COL5A1: variants seen among roughly 807,000 people sequenced by gnomAD.
COL5A1 encodes the protein collagen alpha-1(V) chain.
A neutral mutation model predicts 263.7 loss-of-function variants in COL5A1; 16 were observed. The observed-to-expected ratio is 0.06, with a 90% CI of 0.04 to 0.09. The LOEUF is 0.09. Ranked by LOEUF, COL5A1 falls within the 10% of genes least tolerant of loss-of-function variation. The probability of loss-of-function intolerance (pLI) is 1.00; values close to 1 mark genes in which losing one functional copy is unlikely to be tolerated. For synonymous variants in COL5A1, 1,012 were observed against 1,004.5 expected (o/e 1.01, Z -0.14); for missense variants, 2,036 against 2,540.5 (o/e 0.80, Z 4.27).
Position 134,652,111 on chromosome 9 carries a change from G to A in COL5A1, c.109+9815G>A, listed in dbSNP as rs183033699. On this transcript the variant is annotated intron_variant, in intron 1 of 65. Transcript: ENST00000371817. The surrounding 1 kb of genome is among the most constrained non-coding windows in gnomAD (Gnocchi z 4.4). Reference sequence around the variant, plus strand: ...CCGCGGTCGAGGTGGGGTGAAGGGCGTTCTCGAGGGAAGGGTAGGGAACGA... The same window carrying A: ...CCGCGGTCGAGGTGGGGTGAAGGGCATTCTCGAGGGAAGGGTAGGGAACGA... 3.9e-5 allele frequency among the ~76,000 whole-genome samples: 6 copies of A among 152,292 alleles called. No individual in the cohort carries two copies. In the East Asian group the frequency reaches 5.8e-4, roughly 15 times the overall value.
chr9:134,753,385 A>G (rs1406308972), intron 14 of COL5A1, among the ~76,000 whole-genome samples: 2 of 152,022 alleles, frequency 1.3e-5, no homozygotes, highest in African/African-American at 4.8e-5. Flanking sequence ...GGAGTTCAAC[A>G]CCACAGGGGC....
chr9:134,834,865 C>G, intron 64 of COL5A1, 106 bp from the exon 65 acceptor site: 1 of 826,714 alleles, frequency 1.2e-6, no homozygotes, highest in Non-Finnish European at 2.0e-6. Flanking sequence ...AGGTAGTTCC[C>G]CCGAGAAGAC....
At chr9:134,761,302 C>T (rs985019251) in intron 18 of COL5A1, among the ~76,000 whole-genome samples, 31 of 152,028 alleles carry the variant, frequency 2.0e-4, no homozygotes, top group Non-Finnish European at 4.0e-4. Context: ...AACACACAGG[C>T]GCACCCACAC....
intron 1 of COL5A1, among the ~76,000 whole-genome samples, chr9:134,673,229 A>G (rs573223923): frequency 1.3e-5 from 2 of 152,352 alleles, no homozygotes; most frequent in Non-Finnish European, 2.9e-5. Flanking sequence ...GAAAAAGAAG[A>G]ACATCGGAGG....
intron 4 of COL5A1, among the ~76,000 whole-genome samples, chr9:134,726,385 G>A (rs1306472975): frequency 6.6e-6 from 1 of 152,028 alleles, no homozygotes; most frequent in Non-Finnish European, 1.5e-5. Flanking sequence ...TAGATAGATG[G>A]ATGAATTAAT....
chr9:134,645,210 G>A (rs1194242981), intron 1 of COL5A1, among the ~76,000 whole-genome samples: 1 of 152,230 alleles, frequency 6.6e-6, no homozygotes, highest in Non-Finnish European at 1.5e-5. Flanking sequence ...CTGCGGGGCT[G>A]GCCAGAGCCT....
At chr9:134,737,884 C>T (rs531731895) in intron 9 of COL5A1, among the ~76,000 whole-genome samples, 2 of 152,246 alleles carry the variant, frequency 1.3e-5, no homozygotes, top group African/African-American at 4.8e-5. Flanking sequence ...GCTGAGTGGG[C>T]AGGTGGACAT....
intron 4 of COL5A1, among the ~76,000 whole-genome samples, chr9:134,706,634 G>A (rs2132585528): frequency 6.6e-6 from 1 of 152,330 alleles, no homozygotes; most frequent in Admixed American, 6.5e-5. Flanking sequence ...CAGCAGATTG[G>A]GACCTCGGAA....
At chr9:134,767,969 G>A (rs1324019370) in intron 24 of COL5A1, among the ~76,000 whole-genome samples, 2 of 152,372 alleles carry the variant, frequency 1.3e-5, no homozygotes, top group South Asian at 2.1e-4. Flanking sequence ...TCCAGGAGCT[G>A]CTGTTTATGG....
intron 11 of COL5A1, among the ~76,000 whole-genome samples, chr9:134,739,698 G>A (rs974482959): frequency 6.6e-6 from 1 of 152,176 alleles, no homozygotes; most frequent in African/African-American, 2.4e-5. Flanking sequence ...CTCAGGAAAG[G>A]CGGGCCAGGG....
intron 11 of COL5A1, among the ~76,000 whole-genome samples, chr9:134,744,257 TCA>T (rs1230429636): frequency 1.3e-5 from 2 of 152,070 alleles, no homozygotes; most frequent in African/African-American, 4.8e-5. Flanking sequence ...TCAGAGAGGT[TCA>T]CACACACACT....
At chr9:134,650,191 A>T (rs976601348) in intron 1 of COL5A1, among the ~76,000 whole-genome samples, 27 of 152,146 alleles carry the variant, frequency 1.8e-4, no homozygotes, top group African/African-American at 2.2e-4. Context: ...TAATAAAAAA[A>T]ATTTTTTTAA....
At position 134,682,556 on chromosome 9, in the gene COL5A1, G is replaced by T. The variant is rs1315439470; in HGVS notation, c.110-8356G>T. 6.6e-6 allele frequency among the ~76,000 whole-genome samples: 1 copy of T among 152,258 alleles called. No homozygotes were observed. The highest frequency in any genetic ancestry group is 6.5e-5 in the Admixed American group (1 of 15,290). On this transcript the variant is annotated intron_variant, in intron 1 of 65. Transcript: ENST00000371817. This position sits in a 1 kb window ranked among gnomAD's most constrained non-coding sequence, Gnocchi z 5.1. Reference sequence around the variant, plus strand: ...AGAATCCTACCACACTGCCTGGTGGGGTGGGGGAGAGCCTGCTGCCCAGGA... The same window carrying T: ...AGAATCCTACCACACTGCCTGGTGGTGTGGGGGAGAGCCTGCTGCCCAGGA...
intron 48 of COL5A1, among the ~76,000 whole-genome samples, chr9:134,813,471 C>G (rs1291339651): frequency 4.6e-5 from 7 of 152,238 alleles, no homozygotes; most frequent in Non-Finnish European, 1.0e-4. Context: ...GGAATATGCC[C>G]TGCTGAGACC....
chr9:134,835,654 A>G (rs1186518029), intron 65 of COL5A1, among the ~76,000 whole-genome samples: 1 of 152,236 alleles, frequency 6.6e-6, no homozygotes, highest in Non-Finnish European at 1.5e-5. Context: ...CTCTCCGGAC[A>G]GCCCGGCCCA....
intron 4 of COL5A1, among the ~76,000 whole-genome samples, chr9:134,710,875 G>C (rs1193495241): frequency 2.9e-5 from 4 of 137,380 alleles, no homozygotes; most frequent in East Asian, 4.6e-4. Flanking sequence ...GTGCAGTGGT[G>C]GGGGAGGAGC....
intron 4 of COL5A1, among the ~76,000 whole-genome samples, chr9:134,715,665 G>A (rs1392471216): frequency 6.6e-6 from 1 of 152,170 alleles, no homozygotes; most frequent in Non-Finnish European, 1.5e-5. Flanking sequence ...GCATGATGCT[G>A]CCTTCAAGCA....
chr9:134,782,052 A>G (rs1837274761), intron 28 of COL5A1, among the ~76,000 whole-genome samples: 1 of 152,142 alleles, frequency 6.6e-6, no homozygotes, highest in Admixed American at 6.5e-5. Context: ...GGTTTCCGGG[A>G]TGGGGAACGT....
intron 4 of COL5A1, among the ~76,000 whole-genome samples, chr9:134,707,149 G>T (rs998428948): frequency 6.6e-6 from 1 of 152,224 alleles, no homozygotes; most frequent in African/African-American, 2.4e-5. Flanking sequence ...CTATGACCAG[G>T]AGGGGGGCCG....
Sources: gnomAD v4.1 joint callset for allele counts (sites outside exome capture counted in the v4.1 genomes callset) on GRCh38, gnomAD v4.1.1 for gene constraint, Gnocchi (gnomAD v3.1) non-coding constraint, MANE v1.5 for transcripts, NCBI Gene and HGNC (gene_info 2026-07-23, HGNC 2026-07-21) for gene names.